PXDNL: variants seen among roughly 807,000 people sequenced by gnomAD.
The protein encoded by PXDNL is peroxidasin like, also known as probable oxidoreductase PXDNL.
PXDNL carries 145 observed loss-of-function variants against 150.8 expected under a neutral mutation model. That is an observed-to-expected ratio of 0.96 (90% CI 0.84 to 1.10). The LOEUF (loss-of-function observed/expected upper bound fraction) is 1.10, where lower values mean the gene tolerates loss of function less well. Ranked by LOEUF, PXDNL falls within the 50% of genes least tolerant of loss-of-function variation. The probability of loss-of-function intolerance (pLI) is 0.00; values close to 1 mark genes in which losing one functional copy is unlikely to be tolerated. For missense variants in PXDNL, 2,087 were observed against 1,873.9 expected, an observed-to-expected ratio of 1.11 and a Z score of -2.10; for synonymous variants, 757 against 725.7, an observed-to-expected ratio of 1.04 and a Z score of -0.69.
chr8:51,505,813 C>A (rs1342558919), intron 4 of PXDNL, among the ~76,000 whole-genome samples: 2 of 152,200 alleles, frequency 1.3e-5, no homozygotes, highest in Non-Finnish European at 2.9e-5. Flanking sequence ...TCCACCATGT[C>A]CTGCCTCACA....
At chr8:51,684,535 C>T (rs1409659832) in intron 1 of PXDNL, among the ~76,000 whole-genome samples, 3 of 152,134 alleles carry the variant, frequency 2.0e-5, no homozygotes, top group African/African-American at 7.2e-5. Context: ...TGGGCAGAGC[C>T]TATGGGATGT....
chr8:51,359,366 A>T (rs1485989745), intron 19 of PXDNL, among the ~76,000 whole-genome samples: 1 of 152,218 alleles, frequency 6.6e-6, no homozygotes, highest in African/African-American at 2.4e-5. Flanking sequence ...ATGATGTTGG[A>T]ACTAAGAAGT....
At position 51,685,025 on chromosome 8, in the gene PXDNL, A is replaced by G. The variant is rs141160599; in HGVS notation, c.165-30265T>C. ...TGACTGGCAAACTGGGAACTAATAA[A>G]TGGATATTGTAGGCAGGCACTCAGT... On this transcript the variant is annotated intron_variant, in intron 1 of 22. Coordinates refer to ENST00000356297, the MANE Select transcript of PXDNL (RefSeq NM_144651.5). Among the ~76,000 whole-genome samples the G allele has an allele frequency of 2.6e-3, 391 of 152,292 alleles. 1 individual carries two copies. Among genetic ancestry groups the G allele is most frequent in the African/African-American group, 9.1e-3 (378 of 41,564 alleles).
intron 1 of PXDNL, among the ~76,000 whole-genome samples, chr8:51,766,071 G>A (rs1361783301): frequency 5.3e-5 from 8 of 152,100 alleles, no homozygotes; most frequent in African/African-American, 9.7e-5. Context: ...TCCTGACCTC[G>A]TGATCCACCT....
At chr8:51,463,902 G>A (rs1810140436) in intron 8 of PXDNL, among the ~76,000 whole-genome samples, 1 of 151,454 alleles carries the variant, frequency 6.6e-6, no homozygotes, top group Admixed American at 6.6e-5. Flanking sequence ...CATTAAAATA[G>A]AAACACAACA....
At position 51,741,249 on chromosome 8, in the gene PXDNL, T is replaced by G. The variant is rs534947382; in HGVS notation, c.164+67932A>C. On this transcript the variant is annotated intron_variant, in intron 1 of 22. Coordinates refer to ENST00000356297, the MANE Select transcript of PXDNL (RefSeq NM_144651.5). Reference sequence around the variant, plus strand: ...CAGTAATTTATCAATTTTTTCTAGATTTGCTAGTTTATTTGCGTAGAGGTG... The same window carrying G: ...CAGTAATTTATCAATTTTTTCTAGAGTTGCTAGTTTATTTGCGTAGAGGTG... Among the ~76,000 whole-genome samples, 320 of 152,320 alleles carry G rather than the reference T, an allele frequency of 2.1e-3. 1 individual carries two copies. The highest frequency in any genetic ancestry group is 7.2e-3 in the African/African-American group (301 of 41,574).
At chr8:51,696,831 A>AGGTCCACACACATC (rs1563510387) in intron 1 of PXDNL, among the ~76,000 whole-genome samples, 1 of 149,588 alleles carries the variant, frequency 6.7e-6, no homozygotes. Context: ...ACACACACAC[A>AGGTCCACACACATC]CACACACAGG....
chr8:51,670,403 G>C lies in PXDNL; in HGVS notation c.165-15643C>G, dbSNP rs576829959. 2.6e-5 allele frequency among the ~76,000 whole-genome samples: 4 copies of C among 152,270 alleles called. No homozygotes were observed. In the South Asian group the frequency reaches 8.3e-4, roughly 32 times the overall value. On this transcript the variant is annotated intron_variant, in intron 1 of 22. Transcript: ENST00000356297. ...AGTGCATTTACACAAACCTACACAT[G>C]GTAGAGCCTACTACACACACAAACT...
intron 21 of PXDNL, among the ~76,000 whole-genome samples, chr8:51,339,392 G>A (rs1805923653): frequency 6.6e-6 from 1 of 152,150 alleles, no homozygotes; most frequent in Admixed American, 6.5e-5. Flanking sequence ...CCCAAGAGGT[G>A]GAGGCTCCAG....
At chr8:51,529,085 G>T (rs1811828909) in intron 4 of PXDNL, among the ~76,000 whole-genome samples, 1 of 152,166 alleles carries the variant, frequency 6.6e-6, no homozygotes, top group South Asian at 2.1e-4. Flanking sequence ...ACGATGTCAG[G>T]TTTTTTAAAA....
chr8:51,356,872 A>T (rs1216099517), intron 19 of PXDNL, among the ~76,000 whole-genome samples: 1 of 152,152 alleles, frequency 6.6e-6, no homozygotes, highest in Non-Finnish European at 1.5e-5. Flanking sequence ...TCTTTTCTTA[A>T]TATTTTCAGT....
At chr8:51,699,155 T>C (rs558833853) in intron 1 of PXDNL, among the ~76,000 whole-genome samples, 2 of 152,304 alleles carry the variant, frequency 1.3e-5, no homozygotes, top group East Asian at 3.9e-4. Context: ...AGAGTCAATC[T>C]GTCCTTCGAA....
At chr8:51,457,424 C>T (rs1809960080) in intron 9 of PXDNL, 74 bp downstream of exon 9, 1 of 1,204,090 alleles carries the variant, frequency 8.3e-7, no homozygotes, top group East Asian at 2.5e-5. Context: ...TGAAGTATTA[C>T]ATACTCTAAA....
chr8:51,633,767 C>A (rs190566242), intron 2 of PXDNL, among the ~76,000 whole-genome samples: 8 of 152,020 alleles, frequency 5.3e-5, no homozygotes, highest in Admixed American at 5.2e-4. Flanking sequence ...GTTTGTTGGC[C>A]GCTTGTATGT....
chr8:51,624,268 T>C (rs6998137), intron 2 of PXDNL, among the ~76,000 whole-genome samples: 90,238 of 151,922 alleles, frequency 0.59, 30,158 homozygotes, highest in Non-Finnish European at 0.74. Flanking sequence ...TATTTACCTC[T>C]CTATGCAGCA....
intron 1 of PXDNL, among the ~76,000 whole-genome samples, chr8:51,765,853 T>A (rs1431592375): frequency 6.6e-6 from 1 of 151,778 alleles, no homozygotes; most frequent in East Asian, 1.9e-4. Context: ...TTTATTCTTT[T>A]TTTTTTTTGA....
chr8:51,747,297 T>A (rs1356271759), intron 1 of PXDNL, among the ~76,000 whole-genome samples: 1 of 152,220 alleles, frequency 6.6e-6, no homozygotes, highest in East Asian at 1.9e-4. Context: ...ACTTTTCTTT[T>A]TAATTGTCAA....
At chr8:51,761,703 T>C (rs1309180317) in intron 1 of PXDNL, among the ~76,000 whole-genome samples, 1 of 152,212 alleles carries the variant, frequency 6.6e-6, no homozygotes, top group Non-Finnish European at 1.5e-5. Context: ...TTATCTGAAA[T>C]ATTTCACTTA....
At chr8:51,384,388 A>T (rs1171241332) in intron 17 of PXDNL, among the ~76,000 whole-genome samples, 1 of 152,192 alleles carries the variant, frequency 6.6e-6, no homozygotes, top group African/African-American at 2.4e-5. Flanking sequence ...AAAAAAAAAA[A>T]ATCTTATGGT....
Sources: allele counts gnomAD v4.1 joint callset (sites outside exome capture counted in the v4.1 genomes callset), GRCh38; gene constraint gnomAD v4.1.1; transcripts MANE v1.5; gene names NCBI Gene and HGNC (gene_info 2026-07-23, HGNC 2026-07-21).